The following NBEAL1 variants were observed in gnomAD, a reference collection of about 807,000 sequenced individuals.
NBEAL1 encodes neurobeachin like 1.
NBEAL1 carries 273 observed loss-of-function variants against 351.3 expected under a neutral mutation model. That is an observed-to-expected ratio of 0.78 (90% confidence interval 0.70 to 0.86). The LOEUF (loss-of-function observed/expected upper bound fraction) is 0.86. Ranked by LOEUF, NBEAL1 falls within the 40% of genes least tolerant of loss-of-function variation. NBEAL1 has a pLI of 0.00. For synonymous variants in NBEAL1, 1,050 were observed against 1,086.4 expected, an observed-to-expected ratio of 0.97 and a Z score of 0.66; for missense variants, 2,961 against 3,201.3, an observed-to-expected ratio of 0.92 and a Z score of 1.81.
At chr2:203,186,952 G>A (rs1239082031) in intron 44 of NBEAL1, among the ~76,000 whole-genome samples, 2 of 152,096 alleles carry the variant, frequency 1.3e-5, no homozygotes, top group African/African-American at 2.4e-5. Flanking sequence ...ATCTTTCTGA[G>A]GTCTCAACAG....
Position 203,041,784 on chromosome 2 carries a change from A to T in NBEAL1, c.71A>T (p.Lys24Met). Residue 24 changes from lysine (K) to methionine (M), a missense_variant, in exon 3 of 56, where the codon AAG becomes ATG. By Grantham distance (95) the Lys-to-Met change is moderately conservative (BLOSUM62 -1). Coordinates refer to ENST00000683969, the MANE Select transcript of NBEAL1 (RefSeq NM_001378026.1). ...TTTCAGAAAGATCCAGATTACCTGA[A>T]GCTGTGGTTGGACACTTTTGTTTCT... ...YCTKKDPDYL[K>M]LWLDTFVSSY... 5.8e-6 allele frequency: 9 copies of T among 1,553,356 alleles called. No individual in the cohort carries two copies. Among genetic ancestry groups the T allele is most frequent in the Non-Finnish European group, 7.8e-6 (9 of 1,147,222 alleles).
intron 18 of NBEAL1, among the ~76,000 whole-genome samples, chr2:203,121,737 A>G (rs572808385): frequency 1.6e-3 from 239 of 151,042 alleles, no homozygotes; most frequent in Non-Finnish European, 2.1e-3. Flanking sequence ...GCAGTGACCT[A>G]CTTTTCTAAG....
chr2:203,151,537 GAATTATAATTTCA>G lies in NBEAL1; in HGVS notation c.5538_5550del (p.Asn1846LysfsTer9). ...CCCGCATGAGACTTAAGCTGGTACC[GAATTATAATTTCA>G]AAACCCATGAGGAAGCTAGTGCCTT... On this transcript the variant is annotated frameshift_variant, in exon 35 of 56. Coordinates refer to ENST00000683969, the MANE Select transcript of NBEAL1 (RefSeq NM_001378026.1). LOFTEE classifies it high-confidence loss of function. 1 of 1,610,680 alleles carries G rather than the reference GAATTATAATTTCA, an allele frequency of 6.2e-7. No homozygotes were observed. Among genetic ancestry groups the G allele is most frequent in the Non-Finnish European group, 8.5e-7 (1 of 1,178,518 alleles).
chr2:203,113,918 T>G (rs2062630725), intron 17 of NBEAL1, among the ~76,000 whole-genome samples: 1 of 151,020 alleles, frequency 6.6e-6, no homozygotes, highest in African/African-American at 2.4e-5. Context: ...GCCTCCCAGG[T>G]TCACGCCATT....
At chr2:203,208,278 A>C (rs1026140591) in intron 51 of NBEAL1, among the ~76,000 whole-genome samples, 1 of 152,140 alleles carries the variant, frequency 6.6e-6, no homozygotes. Context: ...AGAATGAGAG[A>C]CCCTGTCTCA....
chr2:203,085,589 C>T (rs1205156118), intron 10 of NBEAL1: 2 of 152,060 alleles, frequency 1.3e-5, no homozygotes, highest in East Asian at 3.8e-4. Flanking sequence ...ACTTTTACAC[C>T]ATGTAATGAC....
In NBEAL1 at chr2:203,184,839, A is replaced by T. The variant is rs1247872400; in HGVS notation, c.6705+1451A>T. On this transcript the variant is annotated intron_variant, in intron 44 of 55. Transcript: ENST00000683969. ...CTACTTGGGAGGCTGAAGTGAGAGG[A>T]TCACTTGAGCCCAGGAGTTTGAGAC... is the stretch of plus-strand genomic sequence containing the variant. Among the ~76,000 whole-genome samples, 5 of 151,654 alleles carry T rather than the reference A, an allele frequency of 3.3e-5. No individual in the cohort carries two copies. The South Asian group carries it at 8.3e-4, about 25-fold the overall frequency.
Position 203,076,389 on chromosome 2 carries a change from G to A in NBEAL1, c.599-1363G>A, listed in dbSNP as rs533851055. ...AGTCCCAGCTACCTGGGAGGCCGAG[G>A]TGGGAGAATCACGTGAGCCCAGGCA... On this transcript the variant is annotated intron_variant, in intron 7 of 55. Coordinates refer to ENST00000683969, the MANE Select transcript of NBEAL1 (RefSeq NM_001378026.1). Among the ~76,000 whole-genome samples the A allele has an allele frequency of 3.3e-5, 5 of 151,494 alleles. No homozygotes were observed. The East Asian group carries it at 9.9e-4, about 30-fold the overall frequency.
chr2:203,153,508 A>G (rs917079720), intron 35 of NBEAL1, among the ~76,000 whole-genome samples: 1 of 152,144 alleles, frequency 6.6e-6, no homozygotes, highest in Non-Finnish European at 1.5e-5. Context: ...AAATGAATCA[A>G]GAGAGCTATG....
chr2:203,087,133 G>T (rs1295426593), intron 10 of NBEAL1, among the ~76,000 whole-genome samples: 1 of 120,552 alleles, frequency 8.3e-6, no homozygotes, highest in Non-Finnish European at 1.6e-5. Flanking sequence ...TTGCTCTGTC[G>T]CCCAGGCTAG....
chr2:203,211,102 C>A lies in NBEAL1; in HGVS notation c.7930C>A (p.His2644Asn). The A allele has an allele frequency of 6.4e-7, 1 of 1,559,820 alleles. No individual in the cohort carries two copies. The highest frequency in any genetic ancestry group is 8.7e-7 in the Non-Finnish European group (1 of 1,153,554). ...AGGATTCCTGTCTATAAGAGATCTC[C>A]ACAGGTAAATAATAAAAACTAATGA... ...IQGFLSIRDL[H>N]SLNLSINPLA... The change falls in exon 54 of 56, where the codon CAC becomes AAC. Residue 2644 changes from histidine (H) to asparagine (N), a missense_variant. His to Asn is a moderately conservative substitution (Grantham distance 68, BLOSUM62 1). Coordinates refer to ENST00000683969, the MANE Select transcript of NBEAL1 (RefSeq NM_001378026.1).
intron 12 of NBEAL1, among the ~76,000 whole-genome samples, chr2:203,102,614 A>T (rs1378576636): frequency 6.6e-6 from 1 of 152,148 alleles, no homozygotes; most frequent in African/African-American, 2.4e-5. Flanking sequence ...CACATTTATT[A>T]ATTTGCATAT....
At chr2:203,043,628 C>T (rs959648211) in intron 3 of NBEAL1, among the ~76,000 whole-genome samples, 25 of 150,106 alleles carry the variant, frequency 1.7e-4, no homozygotes, top group African/African-American at 5.9e-4. Context: ...ACTTGGGAGG[C>T]GGAGGTGGGA....
At position 203,138,612 on chromosome 2, in the gene NBEAL1, T is replaced by C. The variant is rs915994113; in HGVS notation, c.4720-8T>C. ...TTTTTATTTCTCAATTTTTTTCCTT[T>C]GTGATAGCTTTTAGAGGATATGATG... On this transcript the variant is annotated splice_region_variant and splice_polypyrimidine_tract_variant and intron_variant, in intron 30 of 55. Coordinates refer to ENST00000683969, the MANE Select transcript of NBEAL1 (RefSeq NM_001378026.1). The C allele has an allele frequency of 4.5e-5, 70 of 1,571,814 alleles. No individual in the cohort carries two copies. Among genetic ancestry groups the C allele is most frequent in the Non-Finnish European group, 5.8e-5 (68 of 1,167,710 alleles).
In NBEAL1 at chr2:203,068,213, A is replaced by G. The variant is rs139063555; in HGVS notation, c.516-180A>G. On this transcript the variant is annotated intron_variant, in intron 6 of 55. Coordinates refer to ENST00000683969, the MANE Select transcript of NBEAL1 (RefSeq NM_001378026.1). Reference sequence around the variant, plus strand: ...ATAATTCAAAAAAATAAATCTGTTAATTGATGAACAGTTCAGTTACTGGCT... The same window carrying G: ...ATAATTCAAAAAAATAAATCTGTTAGTTGATGAACAGTTCAGTTACTGGCT... Among the ~76,000 whole-genome samples, 392 of 152,300 alleles carry G rather than the reference A, an allele frequency of 2.6e-3. 12 individuals are homozygous for G. The highest frequency in any genetic ancestry group is 0.019 in the Admixed American group (289 of 15,300).
In NBEAL1 at chr2:203,208,627, G is replaced by A; in HGVS notation, c.7507-10G>A. 4 of 1,588,030 alleles carry A rather than the reference G, an allele frequency of 2.5e-6. No homozygotes were observed. Among genetic ancestry groups the A allele is most frequent in the Non-Finnish European group, 2.6e-6 (3 of 1,162,200 alleles). Reference sequence around the variant, plus strand: ...CCACCTTTACCTTTGCTTTTCTCTTGTATTATTAGGGAGGTGTTCCTGTGG... The same window carrying A: ...CCACCTTTACCTTTGCTTTTCTCTTATATTATTAGGGAGGTGTTCCTGTGG... On this transcript the variant is annotated splice_polypyrimidine_tract_variant and intron_variant, in intron 51 of 55. Transcript: ENST00000683969.
Position 203,107,949 on chromosome 2 carries a change from G to A in NBEAL1, c.1710G>A (p.Glu570=). ...GATTGCTGAGAGTGGATGAATCTGA[G>A]TCTGTTCACCCTTATGTCACTCCCG... ...LLRLLRVDES[E]SVHPYVTPVT... Residue 570 remains glutamate (E), a synonymous_variant, in exon 14 of 56, where the codon GAG becomes GAA. Coordinates refer to ENST00000683969, the MANE Select transcript of NBEAL1 (RefSeq NM_001378026.1). The A allele has an allele frequency of 6.4e-7, 1 of 1,554,200 alleles. No individual in the cohort carries two copies. Among genetic ancestry groups the A allele is most frequent in the Non-Finnish European group, 8.7e-7 (1 of 1,147,722 alleles).
At chr2:203,195,295 C>A (rs1335463656) in intron 47 of NBEAL1, among the ~76,000 whole-genome samples, 2 of 151,984 alleles carry the variant, frequency 1.3e-5, no homozygotes, top group Non-Finnish European at 2.9e-5. Context: ...TTATGGGGTA[C>A]ACCACTGTAT....
At chr2:203,141,050 A>G (rs988177512) in intron 31 of NBEAL1, among the ~76,000 whole-genome samples, 2 of 151,910 alleles carry the variant, frequency 1.3e-5, no homozygotes, top group Non-Finnish European at 2.9e-5. Flanking sequence ...TGTTCATTAT[A>G]GTATTCTTTT....
Sources: gnomAD v4.1 joint callset for allele counts (sites outside exome capture counted in the v4.1 genomes callset) on GRCh38, gnomAD v4.1.1 for gene constraint, MANE v1.5 for transcripts, NCBI Gene and HGNC (gene_info 2026-07-23, HGNC 2026-07-21) for gene names.